Variants in EDC4 observed in about 807,000 individuals in gnomAD.
EDC4 encodes enhancer of mRNA-decapping protein 4.
A neutral mutation model predicts 155.8 loss-of-function variants in EDC4; 64 were observed. The observed-to-expected ratio is 0.41, with a 90% CI of 0.34 to 0.51. EDC4 has a LOEUF of 0.51. Ranked by LOEUF, EDC4 falls within the 20% of genes least tolerant of loss-of-function variation. The pLI is 0.19. For synonymous variants in EDC4, 684 were observed against 716.8 expected (o/e 0.95, Z 0.73); for missense variants, 1,303 against 1,812.5 (o/e 0.72, Z 5.10).
chr16:67,880,161 T>C lies in EDC4; in HGVS notation c.2042T>C (p.Leu681Pro). 1.9e-6 allele frequency: 3 copies of C among 1,612,630 alleles called. No homozygotes were observed. Among genetic ancestry groups the C allele is most frequent in the Non-Finnish European group, 2.5e-6 (3 of 1,179,690 alleles). Residue 681 changes from leucine (L) to proline (P), a missense_variant, in exon 17 of 29, where the codon CTG becomes CCG. By Grantham distance (98) the Leu-to-Pro change is moderately conservative. Transcript: ENST00000358933. This position sits in a 1 kb window ranked among gnomAD's most constrained non-coding sequence, Gnocchi z 5.2. ...GSLQASPRGL[L>P]PGLLPAPADK... ...CTTCAGGCAAGCCCGCGTGGCCTCCTGCCTGGCCTGCTCCCAGCCCCAGCT... is the reference window on the plus strand; with the variant it reads ...CTTCAGGCAAGCCCGCGTGGCCTCCCGCCTGGCCTGCTCCCAGCCCCAGCT...
At position 67,883,100 on chromosome 16, in the gene EDC4, C is replaced by T; in HGVS notation, c.3772C>T (p.His1258Tyr). 6.2e-7 allele frequency: 1 copy of T among 1,611,624 alleles called. No individual in the cohort carries two copies. Among genetic ancestry groups the T allele is most frequent in the Non-Finnish European group, 8.5e-7 (1 of 1,179,430 alleles). The part of the protein sequence containing the change: ...SAAGTPVPSA[H>Y]LDCQAQQAHI... ...TGCTGGCACACCTGTCCCCTCTGCCCACCTTGACTGCCAGGCCCAGCAAGC... is the reference window on the plus strand; with the variant it reads ...TGCTGGCACACCTGTCCCCTCTGCCTACCTTGACTGCCAGGCCCAGCAAGC... The change falls in exon 27 of 29, where the codon CAC becomes TAC. Residue 1258 changes from histidine to tyrosine, a missense_variant. Transcript: ENST00000358933. The surrounding 1 kb of genome is among the most constrained non-coding windows in gnomAD (Gnocchi z 5.3).
Position 67,877,205 on chromosome 16 carries a change from T to C in EDC4, c.452-12T>C. 1.2e-6 allele frequency: 2 copies of C among 1,609,572 alleles called. No homozygotes were observed. Among genetic ancestry groups the C allele is most frequent in the Non-Finnish European group, 1.7e-6 (2 of 1,177,284 alleles). On this transcript the variant is annotated splice_polypyrimidine_tract_variant and intron_variant, in intron 4 of 28. Transcript: ENST00000358933. This position sits in a 1 kb window ranked among gnomAD's most constrained non-coding sequence, Gnocchi z 4.9. Reference sequence around the variant, plus strand: ...GATACGTATTCATGGTCCACTGCTCTCCTGATTCCAGCTGCCAACAATGGC... The same window carrying C: ...GATACGTATTCATGGTCCACTGCTCCCCTGATTCCAGCTGCCAACAATGGC...
chr16:67,880,280 G>T lies in EDC4; in HGVS notation c.2097+64G>T, dbSNP rs773101328. 1 of 1,533,910 alleles carries T rather than the reference G, an allele frequency of 6.5e-7. No homozygotes were observed. The highest frequency in any genetic ancestry group is 1.9e-5 in the Admixed American group (1 of 53,148). The stretch of plus-strand genomic sequence containing the variant: ...GTGGGCAGCAGCAGGGAAGGTGGGT[G>T]GTGGGCTCCTCCCAGCCCCCTGCTG... On this transcript the variant is annotated intron_variant, in intron 17 of 28. Coordinates refer to ENST00000358933, the MANE Select transcript of EDC4 (RefSeq NM_014329.5). The surrounding 1 kb of genome is among the most constrained non-coding windows in gnomAD (Gnocchi z 5.2).
In EDC4 at chr16:67,877,048, A is replaced by T; in HGVS notation, c.451+76A>T. 6.3e-7 allele frequency: 1 copy of T among 1,580,696 alleles called. No homozygotes were observed. The highest frequency in any genetic ancestry group is 8.6e-7 in the Non-Finnish European group (1 of 1,161,588). On this transcript the variant is annotated intron_variant, in intron 4 of 28. Coordinates refer to ENST00000358933, the MANE Select transcript of EDC4 (RefSeq NM_014329.5). This position sits in a 1 kb window ranked among gnomAD's most constrained non-coding sequence, Gnocchi z 4.9. ...AGCCAGTTCCAACATCAGGCCACTC[A>T]GGCCTTAGGGGTACAATGGAAGGTT...
At position 67,879,382 on chromosome 16, in the gene EDC4, C is replaced by A; in HGVS notation, c.1542-30C>A. Reference sequence around the variant, plus strand: ...ACTCTACTGACCCTTGCCCTTGGAGCACTTTATTCTCCCCCTTCTTTTCCT... The same window carrying A: ...ACTCTACTGACCCTTGCCCTTGGAGAACTTTATTCTCCCCCTTCTTTTCCT... On this transcript the variant is annotated intron_variant, in intron 13 of 28. Coordinates refer to ENST00000358933, the MANE Select transcript of EDC4 (RefSeq NM_014329.5). This position sits in a 1 kb window ranked among gnomAD's most constrained non-coding sequence, Gnocchi z 6.0. 1 of 1,614,220 alleles carries A rather than the reference C, an allele frequency of 6.2e-7. No homozygotes were observed. The highest frequency in any genetic ancestry group is 8.5e-7 in the Non-Finnish European group (1 of 1,180,028).
Position 67,879,859 on chromosome 16 carries a change from T to C in EDC4, c.1831T>C (p.Ser611Pro), listed in dbSNP as rs759507001. Residue 611 changes from serine to proline, a missense_variant, in exon 16 of 29, where the codon TCT becomes CCT. This residue lies in a region of EDC4 where 391 missense variants were observed against 445.4 expected (regional missense o/e 0.88). Transcript: ENST00000358933. This position sits in a 1 kb window ranked among gnomAD's most constrained non-coding sequence, Gnocchi z 6.0. ...TCCTGCATCTCCCCAGATCACTGCC[T>C]CTCCCAGCAGCAGCAGCAGCGGTAG... ...PSASLQQITA[S>P]PSSSSSGSSS... 12 of 1,613,312 alleles carry C rather than the reference T, an allele frequency of 7.4e-6. No homozygotes were observed. The highest frequency in any genetic ancestry group is 1.3e-5 in the African/African-American group (1 of 74,856).
chr16:67,876,141 T>G lies in EDC4; in HGVS notation c.239+40T>G, dbSNP rs200205298. ...GACGACAATAGTGGTGATGGTGTATTTGGGGTGTCTGCTAGCTGAAGGCAT... is the reference window on the plus strand; with the variant it reads ...GACGACAATAGTGGTGATGGTGTATGTGGGGTGTCTGCTAGCTGAAGGCAT... On this transcript the variant is annotated intron_variant, in intron 2 of 28. Coordinates refer to ENST00000358933, the MANE Select transcript of EDC4 (RefSeq NM_014329.5). This position sits in a 1 kb window ranked among gnomAD's most constrained non-coding sequence, Gnocchi z 5.8. 5 of 1,595,944 alleles carry G rather than the reference T, an allele frequency of 3.1e-6. No homozygotes were observed. The Admixed American group carries it at 5.0e-5, about 16-fold the overall frequency.
rs1226860893 is a variant in EDC4 at position 67,882,885 on chromosome 16, G to A, written c.3629+20G>A. ...GGGCAGGTGTGTGGGCAGAGTACTG[G>A]GCAAGGTGGTGGGCTTGAGAAAGGC... On this transcript the variant is annotated intron_variant, in intron 26 of 28. Coordinates refer to ENST00000358933, the MANE Select transcript of EDC4 (RefSeq NM_014329.5). The surrounding 1 kb of genome is among the most constrained non-coding windows in gnomAD (Gnocchi z 7.2). 1.7e-5 allele frequency: 27 copies of A among 1,614,002 alleles called. No homozygotes were observed. The highest frequency in any genetic ancestry group is 2.1e-5 in the Non-Finnish European group (25 of 1,180,004).
intron 1 of EDC4, among the ~76,000 whole-genome samples, chr16:67,874,156 T>C (rs1220081050): frequency 6.6e-6 from 1 of 152,124 alleles, no homozygotes; most frequent in Non-Finnish European, 1.5e-5. Flanking sequence ...AACAGGGGCT[T>C]GGGTGTCAGG....
Position 67,877,260 on chromosome 16 carries a change from C to T in EDC4, c.495C>T (p.Ser165=), listed in dbSNP as rs763527166. The change falls in exon 5 of 29, where the codon AGC becomes AGT. Residue 165 remains serine, a synonymous_variant. Coordinates refer to ENST00000358933, the MANE Select transcript of EDC4 (RefSeq NM_014329.5). This position sits in a 1 kb window ranked among gnomAD's most constrained non-coding sequence, Gnocchi z 4.9. Reference sequence around the variant, plus strand: ...CCATGGTGCGGGTGATCAGCGTCAGCACTTCGGAGCGGACCTTGCTCAAGG... The same window carrying T: ...CCATGGTGCGGGTGATCAGCGTCAGTACTTCGGAGCGGACCTTGCTCAAGG... ...GSAMVRVISV[S]TSERTLLKGF... is the part of the protein sequence containing the mutation. 5 of 1,614,174 alleles carry T rather than the reference C, an allele frequency of 3.1e-6. No individual in the cohort carries two copies. In the Admixed American group the frequency reaches 6.7e-5, roughly 22 times the overall value.
chr16:67,881,079 C>T lies in EDC4; in HGVS notation c.2535C>T (p.Pro845=). ...CTAAGTTGGCCTGTCCTCCCAGCCC[C>T]AGGAATGGCCTTCAGGAAAAGCACA... ...RETCSTLAES[P]RNGLQEKHKS... Residue 845 remains proline, a synonymous_variant, in exon 19 of 29, where the codon CCC becomes CCT. Transcript: ENST00000358933. This position sits in a 1 kb window ranked among gnomAD's most constrained non-coding sequence, Gnocchi z 5.4. 1 of 1,614,118 alleles carries T rather than the reference C, an allele frequency of 6.2e-7. No individual in the cohort carries two copies. The highest frequency in any genetic ancestry group is 1.1e-5 in the South Asian group (1 of 91,082).
Position 67,883,608 on chromosome 16 carries a change from G to A in EDC4, c.3890G>A (p.Cys1297Tyr). ...GACCTGAACCTGGTGCTGTATGTGT[G>A]TGAAACTGTGGACCCAGCCCAGGTT... is the stretch of plus-strand genomic sequence containing the variant. The part of the protein sequence containing the change: ...AADLNLVLYV[C>Y]ETVDPAQVFG... Residue 1297 changes from cysteine to tyrosine, a missense_variant, in exon 28 of 29, where the codon TGT becomes TAT. Cys to Tyr is a radical substitution (Grantham distance 194). Coordinates refer to ENST00000358933, the MANE Select transcript of EDC4 (RefSeq NM_014329.5). The surrounding 1 kb of genome is among the most constrained non-coding windows in gnomAD (Gnocchi z 5.3). 1 of 1,614,132 alleles carries A rather than the reference G, an allele frequency of 6.2e-7. No homozygotes were observed. The highest frequency in any genetic ancestry group is 8.5e-7 in the Non-Finnish European group (1 of 1,180,030).
Position 67,882,974 on chromosome 16 carries a change from T to G in EDC4, c.3646T>G (p.Leu1216Val), listed in dbSNP as rs201079102. 6 of 1,614,102 alleles carry G rather than the reference T, an allele frequency of 3.7e-6. No individual in the cohort carries two copies. Among genetic ancestry groups the G allele is most frequent in the Non-Finnish European group, 5.1e-6 (6 of 1,179,930 alleles). Residue 1216 changes from leucine to valine, a missense_variant, in exon 27 of 29, where the codon TTA (leucine) becomes GTA (valine). Leu to Val is a conservative substitution (Grantham distance 32). This residue lies in a region of EDC4 where 527 missense variants were observed against 757.0 expected (regional missense o/e 0.70). Coordinates refer to ENST00000358933, the MANE Select transcript of EDC4 (RefSeq NM_014329.5). This position sits in a 1 kb window ranked among gnomAD's most constrained non-coding sequence, Gnocchi z 7.2. ...CCTTTGCAGCCTGCAGGAGTCCATT[T>G]TAGCACAGGTACAGCGCATCGTTAA... ...VAVGSLQESI[L>V]AQVQRIVKGE...
chr16:67,875,296 T>A (rs2058036864), intron 1 of EDC4, among the ~76,000 whole-genome samples: 1 of 152,196 alleles, frequency 6.6e-6, no homozygotes, highest in Non-Finnish European at 1.5e-5. Context: ...TCTGAGCCAT[T>A]TCTGTGTGGG....
chr16:67,881,943 C>T lies in EDC4; in HGVS notation c.3005-11C>T, dbSNP rs1315911593. The T allele has an allele frequency of 1.2e-6, 2 of 1,605,906 alleles. No individual in the cohort carries two copies. The highest frequency in any genetic ancestry group is 1.7e-6 in the Non-Finnish European group (2 of 1,175,068). ...GACCTGCTCCAGGCCCGTTCCTTAG[C>T]TATGGCGCAGAGCGGCGGCTGGAGC... is the stretch of plus-strand genomic sequence containing the variant. On this transcript the variant is annotated splice_polypyrimidine_tract_variant and intron_variant, in intron 22 of 28. Coordinates refer to ENST00000358933, the MANE Select transcript of EDC4 (RefSeq NM_014329.5). The surrounding 1 kb of genome is among the most constrained non-coding windows in gnomAD (Gnocchi z 5.4).
chr16:67,883,873 T>G lies in EDC4; in HGVS notation c.4014-83T>G, dbSNP rs2058081808. On this transcript the variant is annotated intron_variant, in intron 28 of 28. Transcript: ENST00000358933. The surrounding 1 kb of genome is among the most constrained non-coding windows in gnomAD (Gnocchi z 5.3). ...TCCTTTCTGCCTTCACCCAGAGGGT[T>G]CCCTCTGGGCCTCGGTGCCACCAGG... 1 of 1,528,640 alleles carries G rather than the reference T, an allele frequency of 6.5e-7. No individual in the cohort carries two copies. Among genetic ancestry groups the G allele is most frequent in the Non-Finnish European group, 8.8e-7 (1 of 1,130,512 alleles). The allele number at this position is 1,528,640 out of a possible 1,614,324, so 94.7% of individuals were successfully genotyped here. A position where few individuals can be genotyped will look rare whatever the true frequency, so the allele number is the denominator to read the frequency against.
rs2058055549 is a variant in EDC4, at chr16:67,879,506, G to A, written c.1633+3G>A. 1.2e-6 allele frequency: 2 copies of A among 1,614,192 alleles called. No individual in the cohort carries two copies. The highest frequency in any genetic ancestry group is 3.3e-5 in the Admixed American group (2 of 60,022). ...CCACACTGCCCACGAGGACTTCAGTGAGTAGGGCGTGAGAGGGAGGTAGGG... is the reference window on the plus strand; with the variant it reads ...CCACACTGCCCACGAGGACTTCAGTAAGTAGGGCGTGAGAGGGAGGTAGGG... On this transcript the variant is annotated splice_donor_region_variant and intron_variant, in intron 14 of 28. Transcript: ENST00000358933. The surrounding 1 kb of genome is among the most constrained non-coding windows in gnomAD (Gnocchi z 6.0).
chr16:67,878,439 C>T lies in EDC4; in HGVS notation c.1084C>T (p.Pro362Ser), dbSNP rs1292166032. Residue 362 changes from proline to serine, a missense_variant, in exon 9 of 29, where the codon CCT (proline) becomes TCT (serine). By Grantham distance (74) the Pro-to-Ser change is moderately conservative (BLOSUM62 -1). Coordinates refer to ENST00000358933, the MANE Select transcript of EDC4 (RefSeq NM_014329.5). The surrounding 1 kb of genome is among the most constrained non-coding windows in gnomAD (Gnocchi z 5.2). ...CTGTGACAACCATAAGAAACAAGAC[C>T]CTGAGTGAGTGAGTGGGCAGCCTAG... The part of the protein sequence containing the change: ...LFCDNHKKQD[P>S]DVPFWRFLIT... The T allele has an allele frequency of 6.2e-7, 1 of 1,614,070 alleles. No homozygotes were observed. The highest frequency in any genetic ancestry group is 8.5e-7 in the Non-Finnish European group (1 of 1,180,040).
Position 67,878,942 on chromosome 16 carries a change from G to A in EDC4, c.1288-15G>A, listed in dbSNP as rs540475183. 3.1e-6 allele frequency: 5 copies of A among 1,609,868 alleles called. No individual in the cohort carries two copies. The highest frequency in any genetic ancestry group is 2.2e-5 in the East Asian group (1 of 44,828). On this transcript the variant is annotated splice_polypyrimidine_tract_variant and intron_variant, in intron 11 of 28. Coordinates refer to ENST00000358933, the MANE Select transcript of EDC4 (RefSeq NM_014329.5). The surrounding 1 kb of genome is among the most constrained non-coding windows in gnomAD (Gnocchi z 5.2). ...TTAGCCTCTGAGCTCAGCTAGGAAC[G>A]TTCTGCCTGTGCAGGTCCTCTATGT...
Sources: gnomAD v4.1 joint callset for allele counts (sites outside exome capture counted in the v4.1 genomes callset) on GRCh38, gnomAD v4.1.1 for gene constraint, gnomAD v4.1.1 regional missense constraint, Gnocchi (gnomAD v3.1) non-coding constraint, MANE v1.5 for transcripts, NCBI Gene and HGNC (gene_info 2026-07-23, HGNC 2026-07-21) for gene names.